Variants in CYSLTR1 observed in about 807,000 individuals in gnomAD.
CYSLTR1 encodes the protein G-protein coupled receptor HG55.
A neutral mutation model predicts 2.1 loss-of-function variants in CYSLTR1; 1 was observed. The ratio of observed to expected loss-of-function variants is 0.48; its 90% CI spans 0.17 to 2.28. CYSLTR1 has a LOEUF of 2.28. Ranked by LOEUF, CYSLTR1 falls within the 30% of genes most tolerant of loss-of-function variation. CYSLTR1 has a pLI of 0.26. For missense variants in CYSLTR1, 299 were observed against 250.1 expected, an observed-to-expected ratio of 1.20 and a Z score of -1.32; for synonymous variants, 110 against 89.6, an observed-to-expected ratio of 1.23 and a Z score of -1.28.
intron 1 of CYSLTR1, chrX:78,319,065 G>A (rs1313137836): frequency 9.2e-6 from 1 of 109,214 alleles, no homozygotes; most frequent in Non-Finnish European, 1.9e-5. Context: ...CCATGTGCAT[G>A]GTTCATTTAT....
intron 1 of CYSLTR1, among the ~76,000 whole-genome samples, chrX:78,311,414 G>T (rs1034000756): frequency 1.8e-5 from 2 of 111,290 alleles, no homozygotes; most frequent in African/African-American, 6.5e-5. Flanking sequence ...CTAAAACCGG[G>T]GGCCACAGAG....
chrX:78,285,027 G>A (rs1312847033), intron 1 of CYSLTR1, among the ~76,000 whole-genome samples: 3 of 110,690 alleles, frequency 2.7e-5, no homozygotes, highest in African/African-American at 9.9e-5. Flanking sequence ...ACTCAGAGTT[G>A]TCTTTTATAT....
At chrX:78,285,946 G>T (rs987915042) in intron 1 of CYSLTR1, among the ~76,000 whole-genome samples, 6 of 111,774 alleles carry the variant, frequency 5.4e-5, no homozygotes, top group African/African-American at 2.0e-4. Context: ...GTGGTTGTAT[G>T]ATTTTGATTT....
intron 2 of CYSLTR1, among the ~76,000 whole-genome samples, chrX:78,279,306 C>T (rs751832158): frequency 1.5e-4 from 17 of 111,598 alleles, no homozygotes; most frequent in Non-Finnish European, 2.8e-4. Flanking sequence ...TGAACAGACA[C>T]TTCTCAAAAC....
At chrX:78,293,399 C>T (rs1301792335) in intron 1 of CYSLTR1, among the ~76,000 whole-genome samples, 4 of 111,731 alleles carry the variant, frequency 3.6e-5, no homozygotes, top group Non-Finnish European at 7.5e-5. Flanking sequence ...TTCTCTCTGG[C>T]TGCCCTTTAC....
rs191425988 is a variant in CYSLTR1 at position 78,272,918 on chromosome X, C to A, written c.829G>T (p.Val277Leu). ...CDSVLRMQKS[V>L]VITLSLAASN... ...GCAGCCAGAGACAAGGTTATGACCA[C>A]GGACTTCTGCATTCTAAGGACAGAA... is the stretch of plus-strand genomic sequence containing the variant. The change falls in exon 3 of 3, where the codon GTG (valine) becomes TTG (leucine). Residue 277 changes from valine to leucine, a missense_variant. Coordinates refer to ENST00000373304, the MANE Select transcript of CYSLTR1 (RefSeq NM_006639.4). 8.3e-7 allele frequency: 1 copy of A among 1,209,048 alleles called. No individual in the cohort carries two copies. The highest frequency in any genetic ancestry group is 3.0e-5 in the East Asian group (1 of 33,768).
intron 2 of CYSLTR1, among the ~76,000 whole-genome samples, chrX:78,279,336 C>G (rs892893329): frequency 1.8e-5 from 2 of 111,687 alleles, no homozygotes; most frequent in Non-Finnish European, 3.8e-5. Flanking sequence ...ATGCAGCCAA[C>G]AAACATACGA....
At chrX:78,297,593 T>G in intron 1 of CYSLTR1, among the ~76,000 whole-genome samples, 1 of 111,596 alleles carries the variant, frequency 9.0e-6, no homozygotes, top group Non-Finnish European at 1.9e-5. Flanking sequence ...TTGGGTTTCT[T>G]TCTGGTTCAA....
intron 1 of CYSLTR1, among the ~76,000 whole-genome samples, chrX:78,316,576 G>T (rs1923429035): frequency 8.9e-6 from 1 of 111,889 alleles, no homozygotes. Flanking sequence ...CCAACTGTGT[G>T]GGAGGTGGGT....
At chrX:78,304,719 T>C (rs192354599) in intron 1 of CYSLTR1, among the ~76,000 whole-genome samples, 14 of 111,337 alleles carry the variant, frequency 1.3e-4, no homozygotes, top group South Asian at 3.8e-4. Flanking sequence ...GGTAATCACC[T>C]CAGCACCTAG....
chrX:78,285,600 T>A (rs762719646), intron 1 of CYSLTR1, among the ~76,000 whole-genome samples: 2 of 111,971 alleles, frequency 1.8e-5, no homozygotes, highest in Non-Finnish European at 3.8e-5. Context: ...ATGAGAAGTT[T>A]AATATTACCA....
chrX:78,283,780 G>A (rs974888946), intron 1 of CYSLTR1, among the ~76,000 whole-genome samples: 1 of 112,037 alleles, frequency 8.9e-6, no homozygotes, highest in African/African-American at 3.2e-5. Flanking sequence ...TTGCTGCTGT[G>A]TGCATGTAGC....
At chrX:78,294,363 G>C (rs894784717) in intron 1 of CYSLTR1, among the ~76,000 whole-genome samples, 4 of 112,321 alleles carry the variant, frequency 3.6e-5, no homozygotes, top group African/African-American at 1.3e-4. Context: ...CATCCCAGAG[G>C]GGCACTCACC....
At chrX:78,286,751 T>A (rs987984283) in intron 1 of CYSLTR1, among the ~76,000 whole-genome samples, 8 of 108,458 alleles carry the variant, frequency 7.4e-5, no homozygotes, top group African/African-American at 2.0e-4. Flanking sequence ...TTTAAACTTT[T>A]AAAAAAACTG....
intron 1 of CYSLTR1, among the ~76,000 whole-genome samples, chrX:78,286,867 C>T (rs1922096942): frequency 9.0e-6 from 1 of 111,441 alleles, no homozygotes; most frequent in Non-Finnish European, 1.9e-5. Flanking sequence ...TTATATCCAT[C>T]TACTATGTGT....
Position 78,271,531 on chromosome X carries a change from G to A in CYSLTR1, c.*1202C>T, listed in dbSNP as rs761543588. On this transcript the variant is annotated 3_prime_UTR_variant, in exon 3 of 3. Coordinates refer to ENST00000373304, the MANE Select transcript of CYSLTR1 (RefSeq NM_006639.4). ...TACTTTTTAAAAAACAAACTTAAAG[G>A]ACACACTACACTTCAGCAAAAGCTT... The A allele has an allele frequency of 1.8e-5, 2 of 111,231 alleles. No homozygotes were observed. The highest frequency in any genetic ancestry group is 7.5e-4 in the South Asian group (2 of 2,665). 9.2% of individuals were successfully genotyped at this position (111,231 alleles called of 1,213,427 possible). A position where few individuals can be genotyped will look rare whatever the true frequency, so the allele number is the denominator to read the frequency against.
chrX:78,274,043 C>T (rs1020424234), intron 2 of CYSLTR1, among the ~76,000 whole-genome samples: 102 of 111,181 alleles, frequency 9.2e-4, no homozygotes, highest in Non-Finnish European at 1.7e-3. Context: ...TGAAACAGCC[C>T]TCCTGTATTT....
chrX:78,282,168 G>C (rs1302203517), intron 2 of CYSLTR1, among the ~76,000 whole-genome samples: 3 of 110,724 alleles, frequency 2.7e-5, no homozygotes, highest in Non-Finnish European at 3.8e-5. Flanking sequence ...CTCCTTCTTT[G>C]CATATGCAAA....
chrX:78,297,994 A>G (rs1166718890), intron 1 of CYSLTR1, among the ~76,000 whole-genome samples: 2 of 110,796 alleles, frequency 1.8e-5, no homozygotes, highest in Non-Finnish European at 3.8e-5. Flanking sequence ...TCTGTTTTTT[A>G]TAATGTAGGT....
Sources: gnomAD v4.1 joint callset for allele counts (sites outside exome capture counted in the v4.1 genomes callset) on GRCh38, gnomAD v4.1.1 for gene constraint, MANE v1.5 for transcripts, NCBI Gene and HGNC (gene_info 2026-07-23, HGNC 2026-07-21) for gene names.